WIF1: variants seen among roughly 807,000 people sequenced by gnomAD.
WIF1 encodes Wnt inhibitory factor 1.
Under a neutral mutation model 53.5 loss-of-function variants are expected in WIF1, and 35 were observed. That is an observed-to-expected ratio of 0.65 (90% CI 0.50 to 0.87). The LOEUF (loss-of-function observed/expected upper bound fraction) is 0.87, where lower values mean the gene tolerates loss of function less well. Ranked by LOEUF, WIF1 falls within the 40% of genes least tolerant of loss-of-function variation. The pLI is 0.00. For synonymous variants in WIF1, 171 were observed against 170.4 expected (o/e 1.00, Z -0.03); for missense variants, 467 against 476.8 (o/e 0.98, Z 0.19).
intron 7 of WIF1, among the ~76,000 whole-genome samples, chr12:65,060,783 T>C (rs1047154303): frequency 1.3e-5 from 2 of 152,192 alleles, no homozygotes; most frequent in African/African-American, 4.8e-5. Context: ...TCAAGACCCA[T>C]TTCCATATTT....
chr12:65,068,558 GAGGA>G (rs1320832798), intron 4 of WIF1, among the ~76,000 whole-genome samples: 5 of 152,034 alleles, frequency 3.3e-5, no homozygotes, highest in Non-Finnish European at 7.4e-5. Context: ...GTCAAGGTCA[GAGGA>G]AGTCTATCTT....
intron 9 of WIF1, chr12:65,054,151 T>C (rs970642838): frequency 3.3e-4 from 44 of 132,224 alleles, no homozygotes; most frequent in African/African-American, 1.0e-3. Flanking sequence ...ATTCAAGAAA[T>C]CCTCTTGCCT....
chr12:65,101,720 C>T (rs1020872856), intron 2 of WIF1, among the ~76,000 whole-genome samples: 1 of 151,964 alleles, frequency 6.6e-6, no homozygotes, highest in Non-Finnish European at 1.5e-5. Flanking sequence ...AATAAAAAAC[C>T]CTTATAATTT....
chr12:65,121,237 C>G lies in WIF1; in HGVS notation c.-46G>C, dbSNP rs1181474719. The G allele has an allele frequency of 7.2e-7, 1 of 1,393,490 alleles. No individual in the cohort carries two copies. The highest frequency in any genetic ancestry group is 9.4e-7 in the Non-Finnish European group (1 of 1,063,700). The allele number at this position is 1,393,490 out of a possible 1,614,324, so 86.3% of individuals were successfully genotyped here. On this transcript the variant is annotated 5_prime_UTR_variant, in exon 1 of 10. Transcript: ENST00000286574. ...TGCCGGGAAAACTCCTCGTGCCGCA[C>G]CTACGCAACCTGGCGCCGTCAGATA...
At chr12:65,083,823 T>A in intron 2 of WIF1, 2 of 308,336 alleles carry the variant, frequency 6.5e-6, no homozygotes, top group Non-Finnish European at 1.3e-5. Flanking sequence ...TTTCCTCTCC[T>A]CTTTTCTCTT....
intron 2 of WIF1, among the ~76,000 whole-genome samples, chr12:65,078,939 C>A (rs542525794): frequency 6.6e-6 from 1 of 151,910 alleles, no homozygotes; most frequent in Non-Finnish European, 1.5e-5. Context: ...CTGAGGTGGG[C>A]GGATCACTTG....
intron 2 of WIF1, among the ~76,000 whole-genome samples, chr12:65,087,161 TAA>T (rs1364903300): frequency 6.6e-6 from 1 of 151,704 alleles, no homozygotes; most frequent in Non-Finnish European, 1.5e-5. Context: ...GGGGAAAAAA[TAA>T]AACAAAACAA....
At chr12:65,100,746 C>T (rs983466149) in intron 2 of WIF1, among the ~76,000 whole-genome samples, 2 of 151,930 alleles carry the variant, frequency 1.3e-5, no homozygotes, top group East Asian at 1.9e-4. Flanking sequence ...TAGGGCCAGG[C>T]GTGGTGGCTC....
intron 7 of WIF1, among the ~76,000 whole-genome samples, chr12:65,059,539 A>G: frequency 6.6e-6 from 1 of 152,224 alleles, no homozygotes; most frequent in South Asian, 2.1e-4. Flanking sequence ...AGTCTTAGAT[A>G]ACAAGATGTA....
At chr12:65,070,119 T>C (rs776692449) in intron 3 of WIF1, among the ~76,000 whole-genome samples, 22 of 152,192 alleles carry the variant, frequency 1.4e-4, no homozygotes, top group Non-Finnish European at 2.5e-4. Context: ...TGCCCTTTTC[T>C]GTAAAGCATT....
chr12:65,086,703 C>CTT (rs35313351), intron 2 of WIF1, among the ~76,000 whole-genome samples: 129 of 134,266 alleles, frequency 9.6e-4, no homozygotes, highest in South Asian at 6.5e-3. Flanking sequence ...GTGTTTCTTT[C>CTT]TTTTTTTTTT....
At chr12:65,087,653 TC>T (rs1883061141) in intron 2 of WIF1, among the ~76,000 whole-genome samples, 1 of 152,076 alleles carries the variant, frequency 6.6e-6, no homozygotes, top group African/African-American at 2.4e-5. Flanking sequence ...ACACAGACTT[TC>T]CCCCTTAGCT....
intron 2 of WIF1, chr12:65,083,702 A>G (rs915602134): frequency 9.2e-6 from 3 of 325,708 alleles, no homozygotes; most frequent in Non-Finnish European, 1.7e-5. Flanking sequence ...CTGGTTCATT[A>G]TCTTCCAAAA....
At chr12:65,077,907 G>C in intron 2 of WIF1, 53 bp from the exon 3 acceptor site, 5 of 1,375,172 alleles carry the variant, frequency 3.6e-6, no homozygotes, top group South Asian at 1.2e-5. Context: ...GAGGGAGAAG[G>C]CACCACAGAA....
intron 7 of WIF1, among the ~76,000 whole-genome samples, chr12:65,056,340 T>A (rs1882525542): frequency 6.8e-6 from 1 of 146,760 alleles, no homozygotes. Context: ...ATTATAAATG[T>A]GTTGCCAAAA....
intron 3 of WIF1, among the ~76,000 whole-genome samples, chr12:65,074,286 G>A (rs1882825765): frequency 6.6e-6 from 1 of 151,768 alleles, no homozygotes; most frequent in Non-Finnish European, 1.5e-5. Context: ...TAGGATACAA[G>A]CATTAAATTA....
intron 6 of WIF1, among the ~76,000 whole-genome samples, chr12:65,065,302 A>G (rs1882671389): frequency 6.6e-6 from 1 of 152,152 alleles, no homozygotes; most frequent in East Asian, 1.9e-4. Flanking sequence ...GCCCAGGTTC[A>G]GAGTCACTCG....
chr12:65,061,411 C>T (rs1306565221), intron 7 of WIF1, among the ~76,000 whole-genome samples: 1 of 152,182 alleles, frequency 6.6e-6, no homozygotes, highest in South Asian at 2.1e-4. Context: ...CCTCAACAAA[C>T]ATATCAAGAA....
intron 6 of WIF1, among the ~76,000 whole-genome samples, chr12:65,065,413 T>C (rs1459500460): frequency 6.6e-6 from 1 of 152,170 alleles, no homozygotes; most frequent in African/African-American, 2.4e-5. Flanking sequence ...AACCTCACTT[T>C]GCTTATCTAG....
Sources: allele counts gnomAD v4.1 joint callset (sites outside exome capture counted in the v4.1 genomes callset), GRCh38; gene constraint gnomAD v4.1.1; transcripts MANE v1.5; gene names NCBI Gene and HGNC (gene_info 2026-07-23, HGNC 2026-07-21).